OCA2: variants seen among roughly 807,000 people sequenced by gnomAD.
The protein encoded by OCA2 is P protein.
A neutral mutation model predicts 100.2 loss-of-function variants in OCA2; 77 were observed. The ratio of observed to expected loss-of-function variants is 0.77; its 90% CI spans 0.64 to 0.93. The LOEUF (loss-of-function observed/expected upper bound fraction) is 0.93, where lower values mean the gene tolerates loss of function less well. OCA2 is among the 40% of genes least tolerant of loss of function. The pLI is 0.00. For missense variants in OCA2, 1,062 were observed against 1,089.1 expected, an observed-to-expected ratio of 0.98 and a Z score of 0.35; for synonymous variants, 432 against 439.2, an observed-to-expected ratio of 0.98 and a Z score of 0.21.
chr15:27,879,281 G>T (rs1176582748), intron 19 of OCA2, among the ~76,000 whole-genome samples: 1 of 152,112 alleles, frequency 6.6e-6, no homozygotes, highest in Admixed American at 6.5e-5. Flanking sequence ...ATGATTCCAT[G>T]TCTTTGCTAT....
chr15:28,075,776 T>C (rs904850370), intron 2 of OCA2, among the ~76,000 whole-genome samples: 1 of 152,242 alleles, frequency 6.6e-6, no homozygotes, highest in African/African-American at 2.4e-5. Context: ...AAATGCATTA[T>C]ACAAAGTAAA....
intron 23 of OCA2, among the ~76,000 whole-genome samples, chr15:27,791,275 T>C (rs2033067934): frequency 6.6e-6 from 1 of 152,152 alleles, no homozygotes; most frequent in Non-Finnish European, 1.5e-5. Flanking sequence ...GGGAAAACAA[T>C]TGACTTTCAA....
chr15:28,050,497 G>A (rs1019940411), intron 2 of OCA2, among the ~76,000 whole-genome samples: 8 of 151,090 alleles, frequency 5.3e-5, no homozygotes, highest in Non-Finnish European at 8.9e-5. Flanking sequence ...GGAGGCGGAG[G>A]TTGAAGTGAG....
chr15:28,066,033 A>G (rs1276484935), intron 2 of OCA2, among the ~76,000 whole-genome samples: 1 of 152,182 alleles, frequency 6.6e-6, no homozygotes, highest in East Asian at 1.9e-4. Context: ...CTACAAACAA[A>G]AAAGTTGCTA....
intron 21 of OCA2, among the ~76,000 whole-genome samples, chr15:27,868,533 G>T (rs2036417040): frequency 6.6e-6 from 1 of 152,150 alleles, no homozygotes; most frequent in Non-Finnish European, 1.5e-5. Context: ...CACGGAAGCA[G>T]AGAGTAGAAT....
At chr15:28,033,211 G>C (rs2042958338) in intron 2 of OCA2, among the ~76,000 whole-genome samples, 1 of 152,210 alleles carries the variant, frequency 6.6e-6, no homozygotes, top group African/African-American at 2.4e-5. Flanking sequence ...CTTTCCATGA[G>C]AAGTTGTAGG....
At chr15:27,885,303 T>C (rs1352089236) in intron 19 of OCA2, among the ~76,000 whole-genome samples, 2 of 152,192 alleles carry the variant, frequency 1.3e-5, no homozygotes, top group Non-Finnish European at 2.9e-5. Flanking sequence ...GCACTATTCT[T>C]ACTTTCAATG....
chr15:27,893,603 G>A (rs922331738), intron 19 of OCA2, among the ~76,000 whole-genome samples: 36 of 152,068 alleles, frequency 2.4e-4, no homozygotes, highest in African/African-American at 8.0e-4. Flanking sequence ...TCTATAAACG[G>A]CCACTCTGGG....
chr15:28,074,606 G>A (rs1033125091), intron 2 of OCA2, among the ~76,000 whole-genome samples: 11 of 151,422 alleles, frequency 7.3e-5, no homozygotes, highest in East Asian at 2.0e-4. Flanking sequence ...CCCGGGAAGC[G>A]GAGCTTGCAG....
chr15:28,076,036 A>T (rs1369198146), intron 2 of OCA2, among the ~76,000 whole-genome samples: 1 of 152,228 alleles, frequency 6.6e-6, no homozygotes, highest in Non-Finnish European at 1.5e-5. Context: ...TACATAAAAT[A>T]ATAGCTTTGA....
chr15:27,989,113 T>A (rs1296476383), intron 11 of OCA2, among the ~76,000 whole-genome samples: 6 of 151,996 alleles, frequency 3.9e-5, no homozygotes, highest in Admixed American at 2.0e-4. Context: ...CACTAGTGAG[T>A]CCCACACTAG....
intron 1 of OCA2, among the ~76,000 whole-genome samples, chr15:28,089,529 T>C (rs2044837110): frequency 6.6e-6 from 1 of 152,202 alleles, no homozygotes; most frequent in Non-Finnish European, 1.5e-5. Flanking sequence ...GGTCCCTCCA[T>C]TCGGGGTCCC....
intron 2 of OCA2, among the ~76,000 whole-genome samples, chr15:28,079,152 C>T (rs955413054): frequency 1.3e-5 from 2 of 152,192 alleles, no homozygotes. Context: ...AGTGTTCTTT[C>T]GTTCTGCTCA....
chr15:27,859,832 T>C (rs2036068369), intron 21 of OCA2, among the ~76,000 whole-genome samples: 1 of 151,530 alleles, frequency 6.6e-6, no homozygotes, highest in African/African-American at 2.4e-5. Flanking sequence ...ATGACATCGA[T>C]GGAAAGACCC....
intron 14 of OCA2, among the ~76,000 whole-genome samples, chr15:27,976,010 A>C (rs1199688130): frequency 6.6e-6 from 1 of 151,752 alleles, no homozygotes; most frequent in Non-Finnish European, 1.5e-5. Context: ...GGTCATATGC[A>C]ATACTGAATA....
At chr15:27,999,340 CT>C (rs2041855302) in intron 9 of OCA2, among the ~76,000 whole-genome samples, 1 of 152,060 alleles carries the variant, frequency 6.6e-6, no homozygotes, top group Non-Finnish European at 1.5e-5. Flanking sequence ...GATACATTGC[CT>C]TAACAGAATG....
At chr15:27,937,172 A>T (rs766736319) in intron 18 of OCA2, among the ~76,000 whole-genome samples, 4 of 152,226 alleles carry the variant, frequency 2.6e-5, no homozygotes, top group Non-Finnish European at 5.9e-5. Context: ...AAATGGAATC[A>T]TATAGCATAT....
At position 27,966,796 on chromosome 15, in the gene OCA2, T is replaced by C. The variant is rs2140826113; in HGVS notation, c.1530A>G (p.Ala510=). The C allele has an allele frequency of 6.2e-7, 1 of 1,612,800 alleles. No individual in the cohort carries two copies. The highest frequency in any genetic ancestry group is 1.7e-5 in the Admixed American group (1 of 60,006). Residue 510 remains alanine, a synonymous_variant, in exon 15 of 24, where the codon GCA becomes GCG. Coordinates refer to ENST00000354638, the MANE Select transcript of OCA2 (RefSeq NM_000275.3). The stretch of plus-strand genomic sequence containing the variant: ...CAAGGCAAATCCCAATGAACATGTG[T>C]GCAGTGAATCCGGCAAAGTCCAGGC... ...KMGLDFAGFT[A]HMFIGICLVL...
At chr15:27,913,887 G>GAAAGAAAGAAAGAAAGAA (rs1567098299) in intron 19 of OCA2, among the ~76,000 whole-genome samples, 1 of 48,904 alleles carries the variant, frequency 2.0e-5, no homozygotes, top group Non-Finnish European at 3.7e-5. Context: ...AAGAAAGAAA[G>GAAAGAAAGAAAGAAAGAA]AAAGAAAGCA....
Sources: gnomAD v4.1 joint callset for allele counts (sites outside exome capture counted in the v4.1 genomes callset) on GRCh38, gnomAD v4.1.1 for gene constraint, MANE v1.5 for transcripts, NCBI Gene and HGNC (gene_info 2026-07-23, HGNC 2026-07-21) for gene names.